Variants in STAC observed in about 807,000 individuals in gnomAD.
The protein encoded by STAC is SH3 and cysteine-rich domain-containing protein.
In STAC, 43 loss-of-function variants were observed where a neutral mutation model predicts 48.8. The ratio of observed to expected loss-of-function variants is 0.88; its 90% CI spans 0.69 to 1.14. The LOEUF (loss-of-function observed/expected upper bound fraction) is 1.14, where lower values mean the gene tolerates loss of function less well. Among genes scored for constraint, STAC ranks in the 50% most tolerant of loss-of-function variants. The pLI, the probability that STAC is intolerant of heterozygous loss-of-function variation, is 0.00. For synonymous variants in STAC, 193 were observed against 179.5 expected (o/e 1.07, Z -0.60); for missense variants, 497 against 504.0 (o/e 0.99, Z 0.13).
At chr3:36,529,619 C>T (rs1699018422) in intron 10 of STAC, among the ~76,000 whole-genome samples, 1 of 152,074 alleles carries the variant, frequency 6.6e-6, no homozygotes, top group South Asian at 2.1e-4. Context: ...AAATGTGAAC[C>T]CCCACATTTG....
intron 5 of STAC, among the ~76,000 whole-genome samples, chr3:36,492,491 T>C (rs190447870): frequency 2.8e-4 from 43 of 152,308 alleles, no homozygotes; most frequent in Admixed American, 2.5e-3. Flanking sequence ...AGGATTAATT[T>C]GGGGAATAAA....
At chr3:36,450,879 G>T (rs1696656863) in intron 2 of STAC, among the ~76,000 whole-genome samples, 1 of 151,952 alleles carries the variant, frequency 6.6e-6, no homozygotes, top group African/African-American at 2.4e-5. Context: ...TTAATAATAA[G>T]ATTTCCACCT....
Position 36,524,500 on chromosome 3 carries a change from G to A in STAC, c.921-4196G>A, listed in dbSNP as rs540568132. ...CCAGCTACTTAGGAGGCTGAGGCAG[G>A]AGAATCGCTTGAACCTGGGAGGCAG... On this transcript the variant is annotated intron_variant, in intron 8 of 10. Transcript: ENST00000273183. Among the ~76,000 whole-genome samples, 359 of 152,222 alleles carry A rather than the reference G, an allele frequency of 2.4e-3. 1 individual carries two copies. Among genetic ancestry groups the A allele is most frequent in the African/African-American group, 7.9e-3 (329 of 41,518 alleles).
At chr3:36,495,269 C>T (rs897570736) in intron 6 of STAC, among the ~76,000 whole-genome samples, 4 of 152,192 alleles carry the variant, frequency 2.6e-5, no homozygotes, top group African/African-American at 9.7e-5. Flanking sequence ...CAAACTTCAT[C>T]TTCAGTATTA....
chr3:36,383,098 T>C (rs1458910987), intron 1 of STAC, among the ~76,000 whole-genome samples: 1 of 152,212 alleles, frequency 6.6e-6, no homozygotes, highest in Non-Finnish European at 1.5e-5. Context: ...GAAAAATAAA[T>C]TAGCTCTTGG....
intron 1 of STAC, among the ~76,000 whole-genome samples, chr3:36,429,354 G>T (rs1469082591): frequency 2.0e-5 from 3 of 152,114 alleles, no homozygotes; most frequent in Non-Finnish European, 4.4e-5. Flanking sequence ...TCCTTGTGCT[G>T]CCCCAGAGAA....
At chr3:36,394,959 G>A (rs1699826548) in intron 1 of STAC, among the ~76,000 whole-genome samples, 1 of 151,708 alleles carries the variant, frequency 6.6e-6, no homozygotes, top group African/African-American at 2.4e-5. Context: ...ATACTGTGAG[G>A]TGTGAGGGAG....
intron 10 of STAC, among the ~76,000 whole-genome samples, chr3:36,530,957 A>G (rs552254263): frequency 6.6e-6 from 1 of 152,206 alleles, no homozygotes; most frequent in African/African-American, 2.4e-5. Flanking sequence ...TCTAAAGAAA[A>G]ATGATAATAT....
chr3:36,405,647 C>T (rs982756013), intron 1 of STAC, among the ~76,000 whole-genome samples: 1 of 152,204 alleles, frequency 6.6e-6, no homozygotes, highest in Admixed American at 6.5e-5. Context: ...CCACACATGA[C>T]AGTTCAGCAA....
At chr3:36,419,940 T>C (rs1234625504) in intron 1 of STAC, among the ~76,000 whole-genome samples, 1 of 152,222 alleles carries the variant, frequency 6.6e-6, no homozygotes, top group Non-Finnish European at 1.5e-5. Flanking sequence ...CTCTGTCATT[T>C]TATTTTCTAT....
At chr3:36,464,811 GGT>G (rs144282261) in intron 2 of STAC, among the ~76,000 whole-genome samples, 4 of 150,238 alleles carry the variant, frequency 2.7e-5, no homozygotes, top group Non-Finnish European at 5.9e-5. Flanking sequence ...AGTATTCCAT[GGT>G]GTGTGTGTGT....
At chr3:36,448,157 A>AATTTT (rs368503712) in intron 2 of STAC, among the ~76,000 whole-genome samples, 8,650 of 148,216 alleles carry the variant, frequency 0.058, 497 homozygotes, top group African/African-American at 0.15. Flanking sequence ...ATGGTCACAG[A>AATTTT]ATTTTATTTT....
At chr3:36,392,286 C>T (rs1458286587) in intron 1 of STAC, among the ~76,000 whole-genome samples, 1 of 152,154 alleles carries the variant, frequency 6.6e-6, no homozygotes, top group Non-Finnish European at 1.5e-5. Context: ...TCTTCTTTAT[C>T]CTCAAGTTCC....
Position 36,398,628 on chromosome 3 carries a change from G to GAA in STAC, c.111+17875_111+17876insAA, listed in dbSNP as rs766728960. On this transcript the variant is annotated intron_variant, in intron 1 of 10. Transcript: ENST00000273183. ...AGGAAGGAGGGAAGGAAGAGAAAAA[G>GAA]AGAGAGAAAGAAAGAAAGAAAGAGA... Among the ~76,000 whole-genome samples, 10 of 89,338 alleles carry GAA rather than the reference G, an allele frequency of 1.1e-4. No homozygotes were observed. In the East Asian group the frequency reaches 1.7e-3, roughly 15 times the overall value. The allele number at this position is 89,338 out of a possible 152,430, so 58.6% of individuals were successfully genotyped here. A position where few individuals can be genotyped will look rare whatever the true frequency, so the allele number is the denominator to read the frequency against.
At chr3:36,486,523 C>G (rs13083668) in intron 5 of STAC, among the ~76,000 whole-genome samples, 18,558 of 152,238 alleles carry the variant, frequency 0.12, 1,325 homozygotes, top group East Asian at 0.31. Context: ...CTCCTTTACC[C>G]TCCCACCAAC....
intron 1 of STAC, among the ~76,000 whole-genome samples, chr3:36,405,176 T>C (rs1315550864): frequency 6.6e-6 from 1 of 152,150 alleles, no homozygotes; most frequent in Non-Finnish European, 1.5e-5. Flanking sequence ...TGGCCTCACC[T>C]TGGGGCCACC....
chr3:36,433,507 T>C (rs1700755849), intron 1 of STAC, among the ~76,000 whole-genome samples: 2 of 152,228 alleles, frequency 1.3e-5, no homozygotes, highest in Admixed American at 6.5e-5. Context: ...CCTCCATTGA[T>C]AGCTCCTGTT....
At chr3:36,466,416 GT>G (rs200068232) in intron 2 of STAC, among the ~76,000 whole-genome samples, 4,791 of 152,040 alleles carry the variant, frequency 0.032, 225 homozygotes, top group African/African-American at 0.11. Flanking sequence ...TTCTAGGATT[GT>G]TTTTTTCTAG....
chr3:36,469,702 G>T (rs575475000), intron 2 of STAC, among the ~76,000 whole-genome samples: 2 of 152,032 alleles, frequency 1.3e-5, no homozygotes, highest in Non-Finnish European at 2.9e-5. Flanking sequence ...CTTCTTCCCC[G>T]GGAAGCCCAA....
Sources: gnomAD v4.1 joint callset for allele counts (sites outside exome capture counted in the v4.1 genomes callset) on GRCh38, gnomAD v4.1.1 for gene constraint, MANE v1.5 for transcripts, NCBI Gene and HGNC (gene_info 2026-07-23, HGNC 2026-07-21) for gene names.